PAH: variants seen among roughly 807,000 people sequenced by gnomAD.
PAH encodes the protein phenylalanine-4-hydroxylase.
Under a neutral mutation model 62.0 loss-of-function variants are expected in PAH, and 64 were observed. The ratio of observed to expected loss-of-function variants is 1.03; its 90% CI spans 0.84 to 1.27. PAH has a LOEUF of 1.27. PAH is among the 50% of genes most tolerant of loss of function. The probability of loss-of-function intolerance (pLI) is 0.00; values close to 1 mark genes in which losing one functional copy is unlikely to be tolerated. For missense variants in PAH, 579 were observed against 542.8 expected (o/e 1.07, Z -0.66); for synonymous variants, 195 against 196.2 (o/e 0.99, Z 0.05).
Position 102,852,865 on chromosome 12 carries a change from G to C in PAH, c.792C>G (p.His264Gln). 1 of 1,614,130 alleles carries C rather than the reference G, an allele frequency of 6.2e-7. No individual in the cohort carries two copies. Among genetic ancestry groups the C allele is most frequent in the Non-Finnish European group, 8.5e-7 (1 of 1,180,010 alleles). Residue 264 changes from histidine to glutamine, a missense_variant, in exon 7 of 13, where the codon CAC becomes CAG. By Grantham distance (24) the His-to-Gln change is conservative. Transcript: ENST00000553106. Reference sequence around the variant, plus strand: ...ATCCATGTCTGATGTACTGTGTGCAGTGGAAGACTCGGAAGGCCAGGCCAC... The same window carrying C: ...ATCCATGTCTGATGTACTGTGTGCACTGGAAGACTCGGAAGGCCAGGCCAC... ...FLGGLAFRVF[H>Q]CTQYIRHGSK...
At position 102,837,087 on chromosome 12, in the gene PAH, T is replaced by C. The variant is rs1192573313; in HGVS notation, c.*2088A>G. 1.3e-5 allele frequency: 2 copies of C among 152,218 alleles called. No individual in the cohort carries two copies. Among genetic ancestry groups the C allele is most frequent in the Non-Finnish European group, 2.9e-5 (2 of 68,028 alleles). The allele number at this position is 152,218 out of a possible 1,614,324, so 9.4% of individuals were successfully genotyped here. On this transcript the variant is annotated 3_prime_UTR_variant, in exon 13 of 13. Transcript: ENST00000553106. ...TCTGTCAGTAAAGACTGATACTGTTTCTAAAATATTGCTCATTTACTAGAA... is the reference window on the plus strand; with the variant it reads ...TCTGTCAGTAAAGACTGATACTGTTCCTAAAATATTGCTCATTTACTAGAA...
At position 102,877,483 on chromosome 12, in the gene PAH, C is replaced by A. The variant is rs200366386; in HGVS notation, c.420G>T (p.Ala140=). The change falls in exon 4 of 13, where the codon GCG becomes GCT. Residue 140 remains alanine, a synonymous_variant. Transcript: ENST00000553106. ...RFANQILSYG[A]ELDADHPGFK... ...TCACAGGGTGGTCAGCATCCAGTTC[C>A]GCTCCATAGCTGAGAATCTGATTGG... The A allele has an allele frequency of 6.2e-7, 1 of 1,613,906 alleles. No individual in the cohort carries two copies. Among genetic ancestry groups the A allele is most frequent in the East Asian group, 2.2e-5 (1 of 44,860 alleles).
intron 1 of PAH, chr12:102,913,900 A>G: frequency 1.4e-6 from 1 of 699,094 alleles, no homozygotes; most frequent in Non-Finnish European, 2.6e-6. Context: ...ATAAAATTCT[A>G]TGTGTGTCCA....
At chr12:102,909,976 G>A (rs1878138960) in intron 2 of PAH, among the ~76,000 whole-genome samples, 1 of 151,682 alleles carries the variant, frequency 6.6e-6, no homozygotes, top group Non-Finnish European at 1.5e-5. Flanking sequence ...AAAATTAATT[G>A]GCTCAAAAAG....
In PAH at chr12:102,837,284, G is replaced by A. The variant is rs1187740560; in HGVS notation, c.*1891C>T. The stretch of plus-strand genomic sequence containing the variant: ...TTCCTGTGAAAATCATAACTTAACC[G>A]AAACTTTACCTTCAAGCTCATTAAA... On this transcript the variant is annotated 3_prime_UTR_variant, in exon 13 of 13. Transcript: ENST00000553106. 3.3e-5 allele frequency: 5 copies of A among 151,998 alleles called. No homozygotes were observed. Among genetic ancestry groups the A allele is most frequent in the Non-Finnish European group, 5.9e-5 (4 of 68,008 alleles). The allele number at this position is 151,998 out of a possible 1,614,324, so 9.4% of individuals were successfully genotyped here.
Position 102,837,553 on chromosome 12 carries a change from T to G in PAH, c.*1622A>C, listed in dbSNP as rs1874411806. 1 of 152,192 alleles carries G rather than the reference T, an allele frequency of 6.6e-6. No homozygotes were observed. The highest frequency in any genetic ancestry group is 1.9e-4 in the East Asian group (1 of 5,190). The allele number at this position is 152,192 out of a possible 1,614,324, so 9.4% of individuals were successfully genotyped here. On this transcript the variant is annotated 3_prime_UTR_variant, in exon 13 of 13. Coordinates refer to ENST00000553106, the MANE Select transcript of PAH (RefSeq NM_000277.3). ...GCATAAAATTCCAACTTCAAAACAA[T>G]GAAACTTCAGACACATTCAGTAAAT...
intron 4 of PAH, among the ~76,000 whole-genome samples, chr12:102,871,931 AAAAAAAAAAAAAAAAAAAATAT>A (rs1273513655): frequency 2.8e-4 from 32 of 114,032 alleles, no homozygotes; most frequent in Non-Finnish European, 4.2e-4. Flanking sequence ...TCAAAAAAAA[AAAAAAAAAAAAAAAAAAAATAT>A]ATATATATAT....
At chr12:102,953,920 T>C (rs1879839528), upstream of PAH, 1 of 152,244 alleles carries the variant, frequency 6.6e-6, no homozygotes. Context: ...CTGATTTAAT[T>C]CTCATAACAC....
intron 3 of PAH, among the ~76,000 whole-genome samples, chr12:102,887,054 AAG>A (rs1296401963): frequency 2.0e-5 from 3 of 152,174 alleles, no homozygotes; most frequent in East Asian, 1.9e-4. Flanking sequence ...ATGCTAAGGA[AAG>A]AGAGAATTCC....
chr12:102,852,128 G>A lies in PAH; in HGVS notation c.843-372C>T, dbSNP rs982871101. ...TCTTCTCCCTGGTATTGACTTCCCT[G>A]GGCAGATACAATATGCTCAGCTATT... On this transcript the variant is annotated intron_variant, in intron 7 of 12. Transcript: ENST00000553106. 1.9e-5 allele frequency: 5 copies of A among 264,686 alleles called. No individual in the cohort carries two copies. In the East Asian group the frequency reaches 4.6e-4, roughly 24 times the overall value. 16.4% of individuals were successfully genotyped at this position (264,686 alleles called of 1,614,324 possible). A position where few individuals can be genotyped will look rare whatever the true frequency, so the allele number is the denominator to read the frequency against.
intron 2 of PAH, among the ~76,000 whole-genome samples, chr12:102,901,145 T>C (rs1877735543): frequency 6.6e-6 from 1 of 152,176 alleles, no homozygotes; most frequent in African/African-American, 2.4e-5. Flanking sequence ...ACAGAGTTCA[T>C]AATGGTGAAA....
chr12:102,913,923 G>A (rs1592989480), intron 1 of PAH: 3 of 685,314 alleles, frequency 4.4e-6, no homozygotes, highest in East Asian at 2.7e-5. Context: ...ATAAGCAGCA[G>A]GTACCTAAAA....
chr12:102,843,783 T>C lies in PAH; in HGVS notation c.1066-4A>G, dbSNP rs757320744. 6 of 1,613,178 alleles carry C rather than the reference T, an allele frequency of 3.7e-6. No homozygotes were observed. In the African/African-American group the frequency reaches 6.7e-5, roughly 18 times the overall value. Reference sequence around the variant, plus strand: ...TTGGCTTCTCTGATAAGCAGTACTGTAGGCCCCAAGTGAAAAGTTATTATC... The same window carrying C: ...TTGGCTTCTCTGATAAGCAGTACTGCAGGCCCCAAGTGAAAAGTTATTATC... On this transcript the variant is annotated splice_region_variant and splice_polypyrimidine_tract_variant and intron_variant, in intron 10 of 12. Transcript: ENST00000553106.
At chr12:102,874,544 T>C (rs1183377503) in intron 4 of PAH, among the ~76,000 whole-genome samples, 2 of 152,202 alleles carry the variant, frequency 1.3e-5, no homozygotes, top group Admixed American at 1.3e-4. Flanking sequence ...ACGGTGGTGA[T>C]AATATTCAAA....
intron 2 of PAH, among the ~76,000 whole-genome samples, chr12:102,907,768 G>A (rs537015729): frequency 7.2e-5 from 11 of 151,996 alleles, no homozygotes; most frequent in African/African-American, 2.2e-4. Context: ...ACAAGTATGC[G>A]CCATCACGCC....
intron 2 of PAH, among the ~76,000 whole-genome samples, chr12:102,912,520 G>A (rs1878239814): frequency 6.6e-6 from 1 of 151,964 alleles, no homozygotes; most frequent in Admixed American, 6.6e-5. Flanking sequence ...CATATGATTA[G>A]GCATTTTACA....
At chr12:102,937,153 C>A (rs1425721025) in intron 1 of PAH, among the ~76,000 whole-genome samples, 1 of 152,168 alleles carries the variant, frequency 6.6e-6, no homozygotes, top group East Asian at 1.9e-4. Context: ...AACTGTGAGT[C>A]AATTAAATCT....
intron 1 of PAH, among the ~76,000 whole-genome samples, chr12:102,930,826 G>A (rs1038370007): frequency 6.6e-6 from 1 of 152,138 alleles, no homozygotes; most frequent in African/African-American, 2.4e-5. Context: ...TGAAATCAAT[G>A]TATGAGAATT....
At chr12:102,906,146 C>T (rs1361801427) in intron 2 of PAH, among the ~76,000 whole-genome samples, 1 of 151,992 alleles carries the variant, frequency 6.6e-6, no homozygotes, top group Non-Finnish European at 1.5e-5. Context: ...GAAAAATGAA[C>T]ATTAAATCAA....
Sources: allele counts gnomAD v4.1 joint callset (sites outside exome capture counted in the v4.1 genomes callset), GRCh38; gene constraint gnomAD v4.1.1; transcripts MANE v1.5; gene names NCBI Gene and HGNC (gene_info 2026-07-23, HGNC 2026-07-21).